The following DPYD variants were observed in gnomAD, a reference collection of about 807,000 sequenced individuals.
DPYD encodes the protein dihydropyrimidine dehydrogenase [NADP(+)].
Under a neutral mutation model 116.2 loss-of-function variants are expected in DPYD, and 109 were observed. That is an observed-to-expected ratio of 0.94 (90% CI 0.80 to 1.10). DPYD has a LOEUF of 1.10. DPYD is among the 50% of genes least tolerant of loss of function. The pLI, the probability that DPYD is intolerant of heterozygous loss-of-function variation, is 0.00. For synonymous variants in DPYD, 440 were observed against 432.0 expected, an observed-to-expected ratio of 1.02 and a Z score of -0.23; for missense variants, 1,302 against 1,254.5, an observed-to-expected ratio of 1.04 and a Z score of -0.57.
chr1:97,215,499 G>A (rs1419510507), intron 19 of DPYD, among the ~76,000 whole-genome samples: 1 of 152,056 alleles, frequency 6.6e-6, no homozygotes, highest in Non-Finnish European at 1.5e-5. Flanking sequence ...ATGTATGGTT[G>A]TTGAGGCATC....
intron 8 of DPYD, among the ~76,000 whole-genome samples, chr1:97,658,107 C>G (rs533272179): frequency 3.3e-5 from 5 of 152,222 alleles, no homozygotes; most frequent in East Asian, 3.9e-4. Flanking sequence ...GCCAAAACAA[C>G]AAGAAAATAT....
At chr1:97,575,980 A>T (rs1653236494) in intron 10 of DPYD, among the ~76,000 whole-genome samples, 1 of 152,182 alleles carries the variant, frequency 6.6e-6, no homozygotes, top group Admixed American at 6.5e-5. Context: ...ATTTCAAGAG[A>T]AAGGTGGCCC....
At chr1:97,829,182 T>C (rs1669400221) in intron 2 of DPYD, among the ~76,000 whole-genome samples, 1 of 151,862 alleles carries the variant, frequency 6.6e-6, no homozygotes, top group South Asian at 2.1e-4. Context: ...AAAATTTTAG[T>C]ATTAATATGT....
intron 18 of DPYD, among the ~76,000 whole-genome samples, chr1:97,240,581 C>T (rs1352633213): frequency 6.6e-6 from 1 of 151,920 alleles, no homozygotes; most frequent in African/African-American, 2.4e-5. Flanking sequence ...CATTCGTGCT[C>T]ACTGTGTATG....
At chr1:97,470,371 A>T (rs930192606) in intron 13 of DPYD, among the ~76,000 whole-genome samples, 3 of 152,218 alleles carry the variant, frequency 2.0e-5, no homozygotes, top group African/African-American at 7.2e-5. Flanking sequence ...AAAATAAAAA[A>T]GTGTATTTAG....
At chr1:97,779,711 G>A (rs1054376923) in intron 3 of DPYD, among the ~76,000 whole-genome samples, 3 of 151,904 alleles carry the variant, frequency 2.0e-5, no homozygotes, top group Non-Finnish European at 4.4e-5. Context: ...ATCATGGCGT[G>A]CATTTTGTAC....
chr1:97,645,971 A>G (rs1412258656), intron 8 of DPYD, among the ~76,000 whole-genome samples: 5 of 152,180 alleles, frequency 3.3e-5, no homozygotes, highest in Non-Finnish European at 7.4e-5. Flanking sequence ...TCTGTTACAG[A>G]ATGATGCTGT....
At chr1:97,746,680 G>T (rs1047178833) in intron 3 of DPYD, among the ~76,000 whole-genome samples, 14 of 152,032 alleles carry the variant, frequency 9.2e-5, no homozygotes, top group Admixed American at 1.3e-4. Flanking sequence ...AACTGCAAAG[G>T]AGTCATTGGA....
At chr1:97,219,184 A>G (rs935986785) in intron 19 of DPYD, among the ~76,000 whole-genome samples, 3 of 152,196 alleles carry the variant, frequency 2.0e-5, no homozygotes, top group African/African-American at 7.2e-5. Flanking sequence ...ACACAAAGCA[A>G]AACAGTGGGG....
intron 20 of DPYD, among the ~76,000 whole-genome samples, chr1:97,182,622 A>G (rs1657721730): frequency 6.6e-6 from 1 of 152,112 alleles, no homozygotes; most frequent in Admixed American, 6.6e-5. Context: ...AACTGTGGGG[A>G]CAAAGCTGTA....
Position 97,189,349 on chromosome 1 carries a change from G to A in DPYD, c.2622+3720C>T, listed in dbSNP as rs1016155931. Among the ~76,000 whole-genome samples the A allele has an allele frequency of 1.7e-4, 26 of 152,240 alleles. 1 individual carries two copies. Among genetic ancestry groups the A allele is most frequent in the Middle Eastern group, 6.8e-3 (2 of 294 alleles). On this transcript the variant is annotated intron_variant, in intron 20 of 22. Transcript: ENST00000370192. ...ATTCCAGATGTCGGGAACAGCATGT[G>A]GAAATGCATGCAGATCCCAAGTGAT...
chr1:97,154,387 C>T (rs1486978115), intron 20 of DPYD, among the ~76,000 whole-genome samples: 1 of 152,094 alleles, frequency 6.6e-6, no homozygotes, highest in African/African-American at 2.4e-5. Context: ...TGAAATAATT[C>T]AGGAATGGAA....
chr1:97,631,214 C>A (rs765847070), intron 8 of DPYD, among the ~76,000 whole-genome samples: 74 of 152,018 alleles, frequency 4.9e-4, no homozygotes, highest in African/African-American at 1.8e-3. Context: ...TTCTGTTTGG[C>A]CACTGCAAGC....
Position 97,758,450 on chromosome 1 carries a change from T to C in DPYD, c.234-17971A>G, listed in dbSNP as rs143897398. On this transcript the variant is annotated intron_variant, in intron 3 of 22. Transcript: ENST00000370192. ...TGTTTCTTTACATGAGAGACATTAA[T>C]CTTTCAATAAGAACATAGTTGAGGC... is the stretch of plus-strand genomic sequence containing the variant. 3.9e-3 allele frequency among the ~76,000 whole-genome samples: 592 copies of C among 152,214 alleles called. 4 individuals are homozygous for C. Among genetic ancestry groups the C allele is most frequent in the African/African-American group, 0.014 (573 of 41,536 alleles).
At chr1:97,795,796 TA>T (rs1667543565) in intron 3 of DPYD, among the ~76,000 whole-genome samples, 1 of 152,038 alleles carries the variant, frequency 6.6e-6, no homozygotes, top group African/African-American at 2.4e-5. Context: ...ATTTCATTAT[TA>T]AAATTACTGT....
rs571843880 is a variant in DPYD, at chr1:97,169,083, A to T, written c.2622+23986T>A. Among the ~76,000 whole-genome samples the T allele has an allele frequency of 8.5e-5, 13 of 152,140 alleles. No individual in the cohort carries two copies. The South Asian group carries it at 2.7e-3, about 32-fold the overall frequency. ...GGCTAGTCTCGAACTCCTGACCTCA[A>T]GTGATCCACCCACCTCAGCCTCTCA... On this transcript the variant is annotated intron_variant, in intron 20 of 22. Transcript: ENST00000370192.
intron 18 of DPYD, among the ~76,000 whole-genome samples, chr1:97,287,221 G>A (rs1233291728): frequency 6.6e-6 from 1 of 152,188 alleles, no homozygotes; most frequent in Non-Finnish European, 1.5e-5. Flanking sequence ...GGTATCAGCA[G>A]CGGTGGCCGC....
intron 19 of DPYD, among the ~76,000 whole-genome samples, chr1:97,229,802 G>C (rs1200636846): frequency 6.6e-6 from 1 of 151,758 alleles, no homozygotes; most frequent in Non-Finnish European, 1.5e-5. Flanking sequence ...AAACCTATGT[G>C]TGAAACTTTA....
intron 20 of DPYD, among the ~76,000 whole-genome samples, chr1:97,174,229 A>G (rs1238970830): frequency 6.6e-6 from 1 of 152,154 alleles, no homozygotes; most frequent in Non-Finnish European, 1.5e-5. Flanking sequence ...CTTTGGCCTC[A>G]GGCAAGGCCA....
Sources: gnomAD v4.1 joint callset for allele counts (sites outside exome capture counted in the v4.1 genomes callset) on GRCh38, gnomAD v4.1.1 for gene constraint, MANE v1.5 for transcripts, NCBI Gene and HGNC (gene_info 2026-07-23, HGNC 2026-07-21) for gene names.